ABL2: variants seen among roughly 807,000 people sequenced by gnomAD.
ABL2 encodes ABL proto-oncogene 2, non-receptor tyrosine kinase.
Under a neutral mutation model 107.7 loss-of-function variants are expected in ABL2, and 49 were observed. The observed-to-expected ratio is 0.45, with a 90% CI of 0.36 to 0.58. ABL2 has a LOEUF of 0.58. ABL2 is among the 20% of genes least tolerant of loss of function. ABL2 has a pLI of 0.00. For synonymous variants in ABL2, 549 were observed against 548.6 expected, an observed-to-expected ratio of 1.00 and a Z score of -0.01; for missense variants, 1,245 against 1,457.0, an observed-to-expected ratio of 0.85 and a Z score of 2.37.
chr1:179,184,409 GAA>G (rs1660564771), intron 1 of ABL2: 1 of 961,350 alleles, frequency 1.0e-6, no homozygotes, highest in Admixed American at 2.2e-5. Context: ...AAGCCAGCAG[GAA>G]GAGGCAGCAT....
At chr1:179,168,880 T>TCTACTA (rs1659546374) in intron 1 of ABL2, among the ~76,000 whole-genome samples, 1 of 152,304 alleles carries the variant, frequency 6.6e-6, no homozygotes, top group East Asian at 1.9e-4. Context: ...TCAATGAAAT[T>TCTACTA]CTAGTTCATT....
chr1:179,140,452 A>G (rs114685479), intron 1 of ABL2, among the ~76,000 whole-genome samples: 2,287 of 152,302 alleles, frequency 0.015, 71 homozygotes, highest in African/African-American at 0.051. Context: ...AGCTCTTATT[A>G]CCACCAAACA....
Position 179,108,208 on chromosome 1 carries a change from T to C in ABL2, c.3059A>G (p.Glu1020Gly), listed in dbSNP as rs1348104330. 1 of 1,613,984 alleles carries C rather than the reference T, an allele frequency of 6.2e-7. No homozygotes were observed. The highest frequency in any genetic ancestry group is 1.7e-5 in the Admixed American group (1 of 59,994). ...TAGQSTSETQ[E>G]GGKKAALGAV... ...GCCCAGAGCTGCCTTCTTTCCTCCT[T>C]CCTGTGTTTCTGATGTGGACTGTCC... Residue 1020 changes from glutamate (E) to glycine (G), a missense_variant, in exon 12 of 12, where the codon GAA becomes GGA. Coordinates refer to ENST00000502732, the MANE Select transcript of ABL2 (RefSeq NM_007314.4).
chr1:179,229,198 CG>C, intron 1 of ABL2, 42 bp downstream of exon 1: 1 of 1,360,008 alleles, frequency 7.4e-7, no homozygotes. Flanking sequence ...ACCCCACCCC[CG>C]GCCTCCCCCA....
chr1:179,143,090 G>C (rs749562821), intron 1 of ABL2: 1 of 1,598,494 alleles, frequency 6.3e-7, no homozygotes. Context: ...GTGTAAAGAG[G>C]AAGTCTTAGA....
At chr1:179,168,601 G>A (rs938633163) in intron 1 of ABL2, among the ~76,000 whole-genome samples, 1 of 152,172 alleles carries the variant, frequency 6.6e-6, no homozygotes, top group African/African-American at 2.4e-5. Context: ...TGCAAAGCAT[G>A]TGCAACAGAG....
At chr1:179,211,323 T>C (rs1662259899) in intron 1 of ABL2, among the ~76,000 whole-genome samples, 1 of 152,026 alleles carries the variant, frequency 6.6e-6, no homozygotes, top group Non-Finnish European at 1.5e-5. Flanking sequence ...GTCTGAAATC[T>C]GCCTGGGCAA....
rs552883208 is a variant in ABL2 at position 179,203,044 on chromosome 1, T to C, written c.157+26197A>G. ...AAAAGGATACACCCCAGAACTTTTA[T>C]TAGATTGTTGTCTCCCAGTAGGAAA... On this transcript the variant is annotated intron_variant, in intron 1 of 11. Coordinates refer to ENST00000502732, the MANE Select transcript of ABL2 (RefSeq NM_007314.4). Among the ~76,000 whole-genome samples the C allele has an allele frequency of 2.0e-5, 3 of 152,290 alleles. No homozygotes were observed. The East Asian group carries it at 5.8e-4, about 29-fold the overall frequency.
At chr1:179,127,323 T>A (rs1310749559) in intron 3 of ABL2, among the ~76,000 whole-genome samples, 7 of 152,158 alleles carry the variant, frequency 4.6e-5, no homozygotes, top group Non-Finnish European at 1.0e-4. Context: ...AGTTTAAAAA[T>A]AGCTATAGCT....
rs111702334 is a variant in ABL2, at chr1:179,228,488, G to C, written c.157+753C>G. Among the ~76,000 whole-genome samples, 592 of 152,170 alleles carry C rather than the reference G, an allele frequency of 3.9e-3. 1 individual carries two copies. The highest frequency in any genetic ancestry group is 0.014 in the African/African-American group (563 of 41,498). On this transcript the variant is annotated intron_variant, in intron 1 of 11. Coordinates refer to ENST00000502732, the MANE Select transcript of ABL2 (RefSeq NM_007314.4). ...CATACATACATGTATGTATGTATATGGGCACACGCACACACTACAAAGGAA... is the reference window on the plus strand; with the variant it reads ...CATACATACATGTATGTATGTATATCGGCACACGCACACACTACAAAGGAA...
intron 1 of ABL2, among the ~76,000 whole-genome samples, chr1:179,156,588 T>C (rs560590035): frequency 3.9e-5 from 6 of 152,128 alleles, no homozygotes; most frequent in Non-Finnish European, 5.9e-5. Flanking sequence ...AATAAAACTT[T>C]ACTAGGCCTG....
intron 1 of ABL2, among the ~76,000 whole-genome samples, chr1:179,141,296 A>G (rs1657568753): frequency 2.0e-5 from 3 of 150,450 alleles, no homozygotes; most frequent in South Asian, 2.1e-4. Flanking sequence ...GTCTTTAAGA[A>G]AAAAAAAAAT....
At chr1:179,115,209 A>G (rs1654509411) in intron 8 of ABL2, among the ~76,000 whole-genome samples, 179 bp from the exon 9 acceptor site, 1 of 152,222 alleles carries the variant, frequency 6.6e-6, no homozygotes, top group South Asian at 2.1e-4. Context: ...AATATTTGCA[A>G]CAGGAATGCT....
intron 1 of ABL2, among the ~76,000 whole-genome samples, chr1:179,212,983 T>C (rs1571329663): frequency 6.7e-6 from 1 of 149,858 alleles, no homozygotes; most frequent in African/African-American, 2.5e-5. Flanking sequence ...GAGGCGGAGG[T>C]TGCAGTGAGC....
chr1:179,135,408 C>G (rs1228543172), intron 1 of ABL2, among the ~76,000 whole-genome samples: 3 of 151,592 alleles, frequency 2.0e-5, no homozygotes, highest in African/African-American at 4.8e-5. Flanking sequence ...TGAGAAGCGT[C>G]TCTGCCCGGC....
chr1:179,113,038 G>C (rs1654254279), intron 9 of ABL2, among the ~76,000 whole-genome samples: 1 of 152,198 alleles, frequency 6.6e-6, no homozygotes. Flanking sequence ...ACAGGCTTGA[G>C]CCACTGCACC....
intron 5 of ABL2, 74 bp from the exon 6 acceptor site, chr1:179,120,348 T>A: frequency 1.2e-6 from 1 of 862,978 alleles, no homozygotes; most frequent in Non-Finnish European, 1.8e-6. Context: ...TTCATTCATC[T>A]CACAATCATA....
chr1:179,201,648 C>T (rs995849102), intron 1 of ABL2: 11 of 489,878 alleles, frequency 2.2e-5, no homozygotes, highest in Admixed American at 8.0e-5. Context: ...GTCTTCCTTT[C>T]GGGATAGCGT....
At chr1:179,125,061 C>T (rs760055329) in intron 4 of ABL2, among the ~76,000 whole-genome samples, 9 of 152,174 alleles carry the variant, frequency 5.9e-5, no homozygotes, top group Non-Finnish European at 1.2e-4. Flanking sequence ...AGTCAGCTAA[C>T]ACTCATCTAG....
Sources: allele counts gnomAD v4.1 joint callset (sites outside exome capture counted in the v4.1 genomes callset), GRCh38; gene constraint gnomAD v4.1.1; transcripts MANE v1.5; gene names NCBI Gene and HGNC (gene_info 2026-07-23, HGNC 2026-07-21).